The following GOLM2 variants were observed in gnomAD, a reference collection of about 807,000 sequenced individuals.
GOLM2 encodes the protein protein GOLM2.
Under a neutral mutation model 55.9 loss-of-function variants are expected in GOLM2, and 26 were observed. The observed-to-expected ratio is 0.47, with a 90% CI of 0.34 to 0.65. The LOEUF is 0.65. GOLM2 is among the 30% of genes least tolerant of loss of function. The probability of loss-of-function intolerance (pLI) is 0.01; values close to 1 mark genes in which losing one functional copy is unlikely to be tolerated. For synonymous variants in GOLM2, 165 were observed against 194.6 expected, an observed-to-expected ratio of 0.85 and a Z score of 1.27; for missense variants, 486 against 531.8, an observed-to-expected ratio of 0.91 and a Z score of 0.85.
chr15:44,344,444 C>T (rs773987381), intron 6 of GOLM2, among the ~76,000 whole-genome samples: 5 of 151,880 alleles, frequency 3.3e-5, no homozygotes, highest in South Asian at 4.1e-4. Flanking sequence ...TGGAACTAAT[C>T]GCCAAGACTT....
intron 6 of GOLM2, among the ~76,000 whole-genome samples, chr15:44,341,372 G>A (rs562854638): frequency 5.3e-5 from 8 of 151,956 alleles, no homozygotes; most frequent in Admixed American, 2.6e-4. Flanking sequence ...GAGCCACCAC[G>A]CCTGGCATAT....
chr15:44,406,065 G>A (rs2079595534), intron 9 of GOLM2, among the ~76,000 whole-genome samples: 1 of 152,154 alleles, frequency 6.6e-6, no homozygotes, highest in Non-Finnish European at 1.5e-5. Flanking sequence ...TCCCAGTATG[G>A]TTTGCACTTG....
intron 6 of GOLM2, chr15:44,348,812 G>T (rs1468386700): frequency 6.3e-6 from 1 of 158,380 alleles, no homozygotes; most frequent in African/African-American, 2.4e-5. Flanking sequence ...GAGGTGGGAA[G>T]ATCACTTGAG....
intron 8 of GOLM2, among the ~76,000 whole-genome samples, chr15:44,393,098 A>C (rs1055562718): frequency 2.6e-5 from 4 of 152,196 alleles, no homozygotes; most frequent in African/African-American, 9.6e-5. Context: ...TGATAAGCTG[A>C]TATTATTTGT....
At chr15:44,364,137 T>G (rs1256159564) in intron 6 of GOLM2, among the ~76,000 whole-genome samples, 1 of 152,126 alleles carries the variant, frequency 6.6e-6, no homozygotes, top group African/African-American at 2.4e-5. Flanking sequence ...GTCACATGTA[T>G]ATGTATGTAA....
chr15:44,329,338 G>A (rs1287188807), intron 3 of GOLM2, among the ~76,000 whole-genome samples: 2 of 152,122 alleles, frequency 1.3e-5, no homozygotes, highest in South Asian at 2.1e-4. Flanking sequence ...TTTTAGATTT[G>A]TACACCAAAA....
In GOLM2 at chr15:44,379,673, T is replaced by A. The variant is rs2079388900; in HGVS notation, c.803-17T>A. On this transcript the variant is annotated splice_polypyrimidine_tract_variant and intron_variant, in intron 6 of 9. Transcript: ENST00000299957. The stretch of plus-strand genomic sequence containing the variant: ...AGTATCAATGGGAATAATATGGATT[T>A]ATTTTTTTTCTTCTAGCTTTAAGGA... The A allele has an allele frequency of 4.3e-6, 6 of 1,393,550 alleles. No homozygotes were observed. The East Asian group carries it at 1.4e-4, about 32-fold the overall frequency. The allele number at this position is 1,393,550 out of a possible 1,614,324, so 86.3% of individuals were successfully genotyped here. A position where few individuals can be genotyped will look rare whatever the true frequency, so the allele number is the denominator to read the frequency against.
chr15:44,412,772 G>A (rs911685849), intron 9 of GOLM2, among the ~76,000 whole-genome samples: 1 of 152,120 alleles, frequency 6.6e-6, no homozygotes, highest in Admixed American at 6.5e-5. Flanking sequence ...GGAGGCCGAG[G>A]TGGGCAGATC....
chr15:44,370,514 G>A (rs1467725445), intron 6 of GOLM2, among the ~76,000 whole-genome samples: 1 of 152,068 alleles, frequency 6.6e-6, no homozygotes, highest in African/African-American at 2.4e-5. Context: ...AGTGAGCTAT[G>A]ATCATGCCAC....
intron 8 of GOLM2, among the ~76,000 whole-genome samples, chr15:44,396,569 C>T (rs2079528544): frequency 6.6e-6 from 1 of 152,000 alleles, no homozygotes; most frequent in Non-Finnish European, 1.5e-5. Context: ...TTTTTCTCTA[C>T]TAGTTTCTGA....
intron 6 of GOLM2, chr15:44,346,214 T>G (rs1323002304): frequency 6.6e-6 from 1 of 152,062 alleles, no homozygotes; most frequent in Non-Finnish European, 1.5e-5. Flanking sequence ...GGCTTTTAGT[T>G]TTTAAATATT....
intron 1 of GOLM2, among the ~76,000 whole-genome samples, chr15:44,290,991 A>AG (rs1433076350): frequency 6.6e-6 from 1 of 151,452 alleles, no homozygotes; most frequent in East Asian, 1.9e-4. Flanking sequence ...TTAGTAGAGA[A>AG]GGGGTTTCTC....
At chr15:44,301,456 T>G (rs921046997) in intron 1 of GOLM2, among the ~76,000 whole-genome samples, 1 of 152,216 alleles carries the variant, frequency 6.6e-6, no homozygotes, top group Admixed American at 6.5e-5. Flanking sequence ...CAAGTTTCTA[T>G]TTTGGATCAG....
intron 8 of GOLM2, among the ~76,000 whole-genome samples, chr15:44,395,354 T>G (rs895219096): frequency 2.6e-5 from 4 of 151,982 alleles, no homozygotes; most frequent in African/African-American, 9.7e-5. Context: ...TTGAAACCCG[T>G]AAACGAACAT....
chr15:44,359,493 CAGG>C (rs897933040), intron 6 of GOLM2, among the ~76,000 whole-genome samples: 18 of 152,162 alleles, frequency 1.2e-4, no homozygotes, highest in African/African-American at 4.3e-4. Context: ...GAGGCTGAGG[CAGG>C]AGAATGGGTT....
At position 44,357,797 on chromosome 15, in the gene GOLM2, A is replaced by G. The variant is rs186281987; in HGVS notation, c.802+19480A>G. 5.1e-3 allele frequency among the ~76,000 whole-genome samples: 779 copies of G among 152,334 alleles called. 9 individuals carry two copies. The highest frequency in any genetic ancestry group is 0.018 in the African/African-American group (746 of 41,572). On this transcript the variant is annotated intron_variant, in intron 6 of 9. Transcript: ENST00000299957. ...TGGAATTAAAAATACAATACCATTT[A>G]TAGTAGTACTCTCAAAATTCAATTA...
chr15:44,394,691 G>T (rs74735108), intron 8 of GOLM2, among the ~76,000 whole-genome samples: 1 of 152,076 alleles, frequency 6.6e-6, no homozygotes, highest in South Asian at 2.1e-4. Context: ...GTTACAGTTT[G>T]TACACCCCAA....
intron 8 of GOLM2, among the ~76,000 whole-genome samples, chr15:44,401,203 C>A (rs1338770935): frequency 6.6e-6 from 1 of 152,096 alleles, no homozygotes; most frequent in Non-Finnish European, 1.5e-5. Flanking sequence ...CCTCAAACTC[C>A]TGACCTCAAA....
At position 44,413,471 on chromosome 15, in the gene GOLM2, T is replaced by C. The variant is rs2079652086; in HGVS notation, c.*65T>C. The C allele has an allele frequency of 8.1e-7, 1 of 1,239,938 alleles. No homozygotes were observed. 76.8% of individuals were successfully genotyped at this position (1,239,938 alleles called of 1,614,324 possible). A position where few individuals can be genotyped will look rare whatever the true frequency, so the allele number is the denominator to read the frequency against. On this transcript the variant is annotated 3_prime_UTR_variant, in exon 10 of 10. Transcript: ENST00000299957. ...AATGAAATCATTCTACTTTGTCCTTTCTGACTTTTGTTGTAAAGACGAATT... is the reference window on the plus strand; with the variant it reads ...AATGAAATCATTCTACTTTGTCCTTCCTGACTTTTGTTGTAAAGACGAATT...
Sources: allele counts gnomAD v4.1 joint callset (sites outside exome capture counted in the v4.1 genomes callset), GRCh38; gene constraint gnomAD v4.1.1; transcripts MANE v1.5; gene names NCBI Gene and HGNC (gene_info 2026-07-23, HGNC 2026-07-21).